The following CRMP1 variants were observed in gnomAD, a reference collection of about 807,000 sequenced individuals.
CRMP1 encodes the protein collapsin response mediator protein 1.
CRMP1 carries 19 observed loss-of-function variants against 68.3 expected under a neutral mutation model. That is an observed-to-expected ratio of 0.28 (90% CI 0.19 to 0.41). The LOEUF is 0.41. Among genes scored for constraint, CRMP1 ranks in the 10% least tolerant of loss-of-function variants. The pLI is 1.00. For missense variants in CRMP1, 791 were observed against 967.4 expected, an observed-to-expected ratio of 0.82 and a Z score of 2.42; for synonymous variants, 439 against 399.6, an observed-to-expected ratio of 1.10 and a Z score of -1.18.
intron 13 of CRMP1, chr4:5,824,225 C>A (rs575145475): frequency 1.1e-6 from 1 of 904,768 alleles, no homozygotes; most frequent in Admixed American, 6.2e-5. Flanking sequence ...TGTCTTGTTG[C>A]ACCCAGATAG....
At chr4:5,869,531 A>C (rs1490825783) in intron 1 of CRMP1, among the ~76,000 whole-genome samples, 3 of 151,898 alleles carry the variant, frequency 2.0e-5, no homozygotes, top group Non-Finnish European at 4.4e-5. Context: ...AAATACAAAA[A>C]AAATTAGCCA....
rs1715928727 is a variant in CRMP1 at position 5,891,177 on chromosome 4, C to CAT, written c.381+1411_381+1412insAT. Among the ~76,000 whole-genome samples, 1 of 138,614 alleles carries CAT rather than the reference C, an allele frequency of 7.2e-6. No individual in the cohort carries two copies. Among genetic ancestry groups the CAT allele is most frequent in the African/African-American group, 3.0e-5 (1 of 33,358 alleles). The allele number at this position is 138,614 out of a possible 152,430, so 90.9% of individuals were successfully genotyped here. ...ATCACCCCACCACCACACACACATA[C>CAT]ACACACACACACACACACACACACA... On this transcript the variant is annotated intron_variant, in intron 1 of 13. Coordinates refer to ENST00000324989, the MANE Select transcript of CRMP1 (RefSeq NM_001014809.3). This position sits in a 1 kb window ranked among gnomAD's most constrained non-coding sequence, Gnocchi z 5.2.
At chr4:5,832,650 G>A (rs1269172257) in intron 11 of CRMP1, among the ~76,000 whole-genome samples, 1 of 152,104 alleles carries the variant, frequency 6.6e-6, no homozygotes, top group Admixed American at 6.5e-5. Context: ...AAAATCCTTT[G>A]GTCAAACCAC....
At position 5,838,080 on chromosome 4, in the gene CRMP1, G is replaced by C. The variant is rs530887776; in HGVS notation, c.1311-1174C>G. On this transcript the variant is annotated intron_variant, in intron 9 of 13. Transcript: ENST00000324989. This position sits in a 1 kb window ranked among gnomAD's most constrained non-coding sequence, Gnocchi z 4.9. Reference sequence around the variant, plus strand: ...CAGGCTGGAGATGCCATTTCCAGGAGGATAATCAGAAAATTACGTCACTGA... The same window carrying C: ...CAGGCTGGAGATGCCATTTCCAGGACGATAATCAGAAAATTACGTCACTGA... Among the ~76,000 whole-genome samples the C allele has an allele frequency of 2.0e-5, 3 of 152,310 alleles. No individual in the cohort carries two copies. Among genetic ancestry groups the C allele is most frequent in the East Asian group, 1.9e-4 (1 of 5,180 alleles).
intron 3 of CRMP1, 60 bp from the exon 4 acceptor site, chr4:5,856,367 A>G (rs1305568247): frequency 2.3e-5 from 34 of 1,501,106 alleles, no homozygotes; most frequent in African/African-American, 2.7e-5. Flanking sequence ...TGGTAGCCAC[A>G]TCATTACCAC....
In CRMP1 at chr4:5,825,211, A is replaced by C; in HGVS notation, c.1969+283T>G. 6.1e-6 allele frequency: 6 copies of C among 985,340 alleles called. No homozygotes were observed. The highest frequency in any genetic ancestry group is 7.2e-6 in the Non-Finnish European group (6 of 829,926). 61.0% of individuals were successfully genotyped at this position (985,340 alleles called of 1,614,324 possible). ...TGAGGAAGAGTGTGAAAGTGTCCCC[A>C]AATGTGTGTAAGGATGAGCACTGGG... On this transcript the variant is annotated intron_variant, in intron 13 of 13. Transcript: ENST00000324989. This position sits in a 1 kb window ranked among gnomAD's most constrained non-coding sequence, Gnocchi z 4.4.
chr4:5,820,783 T>G lies in CRMP1; in HGVS notation c.*977A>C, dbSNP rs1343650358. The G allele has an allele frequency of 6.6e-6, 1 of 150,626 alleles. No homozygotes were observed. Among genetic ancestry groups the G allele is most frequent in the Non-Finnish European group, 1.5e-5 (1 of 68,012 alleles). 9.3% of individuals were successfully genotyped at this position (150,626 alleles called of 1,614,324 possible). On this transcript the variant is annotated 3_prime_UTR_variant, in exon 14 of 14. Transcript: ENST00000324989. Reference sequence around the variant, plus strand: ...CTGAAATGAAAGTGCCCTAGTCAGGTCAGTGGGCAGTTCATTTTCTTTATT... The same window carrying G: ...CTGAAATGAAAGTGCCCTAGTCAGGGCAGTGGGCAGTTCATTTTCTTTATT...
chr4:5,851,074 G>A (rs1368047238), intron 5 of CRMP1, among the ~76,000 whole-genome samples: 1 of 152,196 alleles, frequency 6.6e-6, no homozygotes, highest in Admixed American at 6.5e-5. Context: ...GAGCTTTCGG[G>A]AAGTACAGGC....
At position 5,879,872 on chromosome 4, in the gene CRMP1, C is replaced by T. The variant is rs887475627; in HGVS notation, c.381+12717G>A. 1.1e-4 allele frequency among the ~76,000 whole-genome samples: 16 copies of T among 150,300 alleles called. No homozygotes were observed. The highest frequency in any genetic ancestry group is 2.7e-4 in the African/African-American group (11 of 40,838). ...AAATATAGCAAAAAAAAAAATGAGA[C>T]GAAAGGAAAGGAAAATGAAAGAAAG... On this transcript the variant is annotated intron_variant, in intron 1 of 13. Coordinates refer to ENST00000324989, the MANE Select transcript of CRMP1 (RefSeq NM_001014809.3). This position sits in a 1 kb window ranked among gnomAD's most constrained non-coding sequence, Gnocchi z 4.2.
chr4:5,843,464 C>G lies in CRMP1; in HGVS notation c.964-303G>C, dbSNP rs1202345934. ...AGCTTCCAAGGCCACCCACCACTCTCTGAATCTCGGAGTCTCCCTGCAGGC... is the reference window on the plus strand; with the variant it reads ...AGCTTCCAAGGCCACCCACCACTCTGTGAATCTCGGAGTCTCCCTGCAGGC... On this transcript the variant is annotated intron_variant, in intron 6 of 13. Transcript: ENST00000324989. This position sits in a 1 kb window ranked among gnomAD's most constrained non-coding sequence, Gnocchi z 4.1. Among the ~76,000 whole-genome samples, 2 of 152,134 alleles carry G rather than the reference C, an allele frequency of 1.3e-5. No individual in the cohort carries two copies. The highest frequency in any genetic ancestry group is 2.9e-5 in the Non-Finnish European group (2 of 68,022).
At chr4:5,839,486 C>A in intron 9 of CRMP1, 36 bp downstream of exon 9, 4 of 1,575,668 alleles carry the variant, frequency 2.5e-6, no homozygotes, top group Non-Finnish European at 3.4e-6. Flanking sequence ...AAGGCCCCAG[C>A]TGCCTCCCCC....
chr4:5,837,628 CAA>C (rs1720804729), intron 9 of CRMP1, among the ~76,000 whole-genome samples: 2 of 63,292 alleles, frequency 3.2e-5, no homozygotes. Flanking sequence ...AACGCAGTCT[CAA>C]AAAATAAAAT....
At position 5,861,457 on chromosome 4, in the gene CRMP1, C is replaced by G. The variant is rs1713551758; in HGVS notation, c.471-247G>C. On this transcript the variant is annotated intron_variant, in intron 2 of 13. Transcript: ENST00000324989. The surrounding 1 kb of genome is among the most constrained non-coding windows in gnomAD (Gnocchi z 6.0). The stretch of plus-strand genomic sequence containing the variant: ...GATGATCGGGGGCACGAGGAGGGGC[C>G]CTTTCATCCAGTCTCATTATCTAAG... Among the ~76,000 whole-genome samples, 2 of 152,132 alleles carry G rather than the reference C, an allele frequency of 1.3e-5. No homozygotes were observed.
Position 5,892,453 on chromosome 4 carries a change from GCCGCGCCGTGGCTCT to G in CRMP1, c.381+121_381+135del. ...TCTTGCATGATGAGGTGGGGGAGGG[GCCGCGCCGTGGCTCT>G]CCCCAGCCTGGCGGCCGCTGCCCCA... On this transcript the variant is annotated intron_variant, in intron 1 of 13. Transcript: ENST00000324989. This position sits in a 1 kb window ranked among gnomAD's most constrained non-coding sequence, Gnocchi z 8.6. 1.1e-6 allele frequency: 1 copy of G among 897,036 alleles called. No individual in the cohort carries two copies. Among genetic ancestry groups the G allele is most frequent in the South Asian group, 5.5e-5 (1 of 18,174 alleles). 55.6% of individuals were successfully genotyped at this position (897,036 alleles called of 1,614,324 possible). A position where few individuals can be genotyped will look rare whatever the true frequency, so the allele number is the denominator to read the frequency against.
At chr4:5,871,128 GCAGGGGCGCCCAGGCTC>G (rs1714406311) in intron 1 of CRMP1, among the ~76,000 whole-genome samples, 1 of 152,056 alleles carries the variant, frequency 6.6e-6, no homozygotes, top group Non-Finnish European at 1.5e-5. Flanking sequence ...GACACTGCAA[GCAGGGGCGCCCAGGCTC>G]CAAGCCCTTA....
At chr4:5,839,391 CCTTGCAGAGCA>C in intron 9 of CRMP1, 120 bp downstream of exon 9, 1 of 1,159,756 alleles carries the variant, frequency 8.6e-7, no homozygotes, top group Non-Finnish European at 1.2e-6. Context: ...TGAGCGCAGT[CCTTGCAGAGCA>C]CGGGGCAGAG....
intron 1 of CRMP1, among the ~76,000 whole-genome samples, chr4:5,869,404 C>G (rs1228185448): frequency 6.6e-6 from 1 of 152,128 alleles, no homozygotes; most frequent in Non-Finnish European, 1.5e-5. Context: ...TAAACTGGGC[C>G]AGGTGTGGTG....
chr4:5,821,203 G>C lies in CRMP1; in HGVS notation c.*557C>G, dbSNP rs1194251590. 1 of 152,686 alleles carries C rather than the reference G, an allele frequency of 6.5e-6. No homozygotes were observed. Among genetic ancestry groups the C allele is most frequent in the Non-Finnish European group, 1.5e-5 (1 of 68,360 alleles). The allele number at this position is 152,686 out of a possible 1,614,324, so 9.5% of individuals were successfully genotyped here. On this transcript the variant is annotated 3_prime_UTR_variant, in exon 14 of 14. Coordinates refer to ENST00000324989, the MANE Select transcript of CRMP1 (RefSeq NM_001014809.3). The surrounding 1 kb of genome is among the most constrained non-coding windows in gnomAD (Gnocchi z 4.4). ...ATTCCGAGAATTCACGGATCTCACA[G>C]GTGGAGGTGGGGCGAGCTTCTTTCT...
At position 5,891,205 on chromosome 4, in the gene CRMP1, CACACACA is replaced by C. The variant is rs1210576355; in HGVS notation, c.381+1377_381+1383del. ...ACACACACACACACACACACACACA[CACACACA>C]CCCTTGCTGTTGGACCTCTCCCTCG... On this transcript the variant is annotated intron_variant, in intron 1 of 13. Transcript: ENST00000324989. This position sits in a 1 kb window ranked among gnomAD's most constrained non-coding sequence, Gnocchi z 5.2. 3.9e-4 allele frequency among the ~76,000 whole-genome samples: 59 copies of C among 151,714 alleles called. No homozygotes were observed. Among genetic ancestry groups the C allele is most frequent in the Non-Finnish European group, 6.8e-4 (46 of 67,932 alleles).
Sources: gnomAD v4.1 joint callset for allele counts (sites outside exome capture counted in the v4.1 genomes callset) on GRCh38, gnomAD v4.1.1 for gene constraint, Gnocchi (gnomAD v3.1) non-coding constraint, MANE v1.5 for transcripts, NCBI Gene and HGNC (gene_info 2026-07-23, HGNC 2026-07-21) for gene names.